The following ZMYND11 variants were observed in gnomAD, a reference collection of about 807,000 sequenced individuals.
The protein encoded by ZMYND11 is zinc finger MYND-type containing 11.
ZMYND11 carries 9 observed loss-of-function variants against 84.9 expected under a neutral mutation model. That is an observed-to-expected ratio of 0.11 (90% CI 0.06 to 0.18). ZMYND11 has a LOEUF of 0.18. Ranked by LOEUF, ZMYND11 falls within the 10% of genes least tolerant of loss-of-function variation. The probability of loss-of-function intolerance (pLI) is 1.00; values close to 1 mark genes in which losing one functional copy is unlikely to be tolerated. For synonymous variants in ZMYND11, 250 were observed against 244.1 expected (o/e 1.02, Z -0.23); for missense variants, 409 against 761.0 (o/e 0.54, Z 5.44).
chr10:152,928 C>T (rs1165378706), intron 1 of ZMYND11, among the ~76,000 whole-genome samples: 2 of 152,234 alleles, frequency 1.3e-5, no homozygotes, highest in South Asian at 2.1e-4. Context: ...CGCTCAACTA[C>T]ATGGAAACTG....
At chr10:213,391 T>C (rs1297170616) in intron 3 of ZMYND11, among the ~76,000 whole-genome samples, 1 of 152,190 alleles carries the variant, frequency 6.6e-6, no homozygotes, top group Admixed American at 6.5e-5. Flanking sequence ...GATGAATCAC[T>C]TTGATGTCTC....
At chr10:241,855 A>C (rs1951014153) in intron 9 of ZMYND11, among the ~76,000 whole-genome samples, 166 bp from the exon 10 acceptor site, 1 of 152,178 alleles carries the variant, frequency 6.6e-6, no homozygotes, top group Non-Finnish European at 1.5e-5. Flanking sequence ...CTCTGATGCA[A>C]ATATAAAATC....
intron 1 of ZMYND11, among the ~76,000 whole-genome samples, chr10:157,273 C>T (rs922866704): frequency 6.6e-6 from 1 of 152,128 alleles, no homozygotes; most frequent in African/African-American, 2.4e-5. Context: ...AATCTCGGCT[C>T]ACTGCAACCT....
Position 225,130 on chromosome 10 carries a change from A to G in ZMYND11, c.438+3774A>G, listed in dbSNP as rs1174065142. Among the ~76,000 whole-genome samples the G allele has an allele frequency of 3.9e-5, 6 of 152,242 alleles. 1 individual carries two copies. Among genetic ancestry groups the G allele is most frequent in the African/African-American group, 1.2e-4 (5 of 41,470 alleles). On this transcript the variant is annotated intron_variant, in intron 4 of 14. Coordinates refer to ENST00000381604, the MANE Select transcript of ZMYND11 (RefSeq NM_001370100.5). Reference sequence around the variant, plus strand: ...GCATTTTTTAAAGATAGAAAATTATATACATTTATGTAATTCTGTCTGAAC... The same window carrying G: ...GCATTTTTTAAAGATAGAAAATTATGTACATTTATGTAATTCTGTCTGAAC...
At chr10:158,425 T>TTA (rs1842194136) in intron 1 of ZMYND11, among the ~76,000 whole-genome samples, 1 of 151,178 alleles carries the variant, frequency 6.6e-6, no homozygotes, top group Non-Finnish European at 1.5e-5. Flanking sequence ...TTTTTTTTTT[T>TTA]TTTTTTATTT....
At chr10:136,202 G>A (rs1835993609) in intron 1 of ZMYND11, among the ~76,000 whole-genome samples, 1 of 152,078 alleles carries the variant, frequency 6.6e-6, no homozygotes, top group Non-Finnish European at 1.5e-5. Flanking sequence ...CCCACCCAGA[G>A]CTCCGGGGAG....
intron 1 of ZMYND11, among the ~76,000 whole-genome samples, chr10:160,329 T>C (rs1193749562): frequency 6.6e-5 from 10 of 152,232 alleles, no homozygotes; most frequent in African/African-American, 2.4e-4. Flanking sequence ...TAAAAAATAC[T>C]TTATTGCTAA....
intron 10 of ZMYND11, 90 bp from the exon 11 acceptor site, chr10:246,676 T>C (rs955619469): frequency 1.3e-5 from 17 of 1,277,262 alleles, no homozygotes; most frequent in East Asian, 2.5e-5. Context: ...GGTCGCACTT[T>C]ATGGCAGGCA....
intron 2 of ZMYND11, among the ~76,000 whole-genome samples, chr10:191,583 A>G (rs1940410864): frequency 6.6e-6 from 1 of 152,234 alleles, no homozygotes; most frequent in Non-Finnish European, 1.5e-5. Flanking sequence ...GAGCCCTAAC[A>G]ATGCTGTTGT....
At chr10:238,863 C>T (rs1309301974) in intron 6 of ZMYND11, among the ~76,000 whole-genome samples, 1 of 152,178 alleles carries the variant, frequency 6.6e-6, no homozygotes, top group Admixed American at 6.5e-5. Flanking sequence ...CCTTCTTCCC[C>T]ACTGCCTTTA....
At chr10:214,751 G>A (rs528830491) in intron 3 of ZMYND11, among the ~76,000 whole-genome samples, 40 of 152,276 alleles carry the variant, frequency 2.6e-4, no homozygotes, top group African/African-American at 9.4e-4. Flanking sequence ...TCTAGAGCAA[G>A]ACACATGGAT....
chr10:249,547 A>T (rs930632588), intron 14 of ZMYND11: 21 of 984,886 alleles, frequency 2.1e-5, no homozygotes, highest in Non-Finnish European at 2.5e-5. Context: ...CTTTTACTTT[A>T]TAGTAGTGAC....
At chr10:130,272 T>A (rs534770794), upstream of ZMYND11, among the ~76,000 whole-genome samples, 1 of 152,270 alleles carries the variant, frequency 6.6e-6, no homozygotes, top group Non-Finnish European at 1.5e-5. Context: ...GGATCCAGCC[T>A]GGGTTGGGCT....
chr10:169,618 G>A (rs1028597464), intron 1 of ZMYND11, among the ~76,000 whole-genome samples: 4 of 152,120 alleles, frequency 2.6e-5, no homozygotes, highest in East Asian at 1.9e-4. Flanking sequence ...CAAGAAGTGC[G>A]AGAGATCAAA....
At chr10:244,234 T>C (rs1006415275) in intron 10 of ZMYND11, among the ~76,000 whole-genome samples, 2 of 152,242 alleles carry the variant, frequency 1.3e-5, no homozygotes, top group Admixed American at 6.5e-5. Context: ...AAGCAACTTA[T>C]GCTCAAAAGG....
intron 1 of ZMYND11, among the ~76,000 whole-genome samples, chr10:172,619 A>G (rs1344035414): frequency 6.6e-6 from 1 of 152,186 alleles, no homozygotes; most frequent in Non-Finnish European, 1.5e-5. Flanking sequence ...AAATGATGAG[A>G]TATTCCATGT....
Position 135,462 on chromosome 10 carries a change from G to T in ZMYND11, c.-117G>T, listed in dbSNP as rs1431077711. 1.3e-5 allele frequency: 2 copies of T among 152,972 alleles called. No homozygotes were observed. Among genetic ancestry groups the T allele is most frequent in the Admixed American group, 1.3e-4 (2 of 15,176 alleles). The allele number at this position is 152,972 out of a possible 1,614,324, so 9.5% of individuals were successfully genotyped here. A position where few individuals can be genotyped will look rare whatever the true frequency, so the allele number is the denominator to read the frequency against. ...CCCCCGCCCCCCGCGCCCGTCGCCG[G>T]CTCAGGCCCGAGAGGCGCCGGGCGG... is the stretch of plus-strand genomic sequence containing the variant. On this transcript the variant is annotated 5_prime_UTR_variant, in exon 1 of 15. Coordinates refer to ENST00000381604, the MANE Select transcript of ZMYND11 (RefSeq NM_001370100.5). This position sits in a 1 kb window ranked among gnomAD's most constrained non-coding sequence, Gnocchi z 5.6.
intron 1 of ZMYND11, among the ~76,000 whole-genome samples, chr10:157,221 A>G (rs144915162): frequency 6.6e-6 from 1 of 152,156 alleles, no homozygotes; most frequent in Non-Finnish European, 1.5e-5. Flanking sequence ...ATTTTTGGAG[A>G]CAGAGTCTCG....
At chr10:138,244 G>T (rs1487489999) in intron 1 of ZMYND11, among the ~76,000 whole-genome samples, 1 of 145,574 alleles carries the variant, frequency 6.9e-6, no homozygotes, top group Non-Finnish European at 1.5e-5. Flanking sequence ...CGGGTAGCTC[G>T]TACTACAGGC....
Sources: allele counts gnomAD v4.1 joint callset (sites outside exome capture counted in the v4.1 genomes callset), GRCh38; gene constraint gnomAD v4.1.1; non-coding constraint Gnocchi (gnomAD v3.1); transcripts MANE v1.5; gene names NCBI Gene and HGNC (gene_info 2026-07-23, HGNC 2026-07-21).